The following TIAM1 variants were observed in gnomAD, a reference collection of about 807,000 sequenced individuals.
TIAM1 encodes the protein rho guanine nucleotide exchange factor TIAM1.
Under a neutral mutation model 163.5 loss-of-function variants are expected in TIAM1, and 65 were observed. That is an observed-to-expected ratio of 0.40 (90% CI 0.33 to 0.49). The LOEUF is 0.49. Among genes scored for constraint, TIAM1 ranks in the 20% least tolerant of loss-of-function variants. The pLI is 0.77. For synonymous variants in TIAM1, 833 were observed against 810.1 expected, an observed-to-expected ratio of 1.03 and a Z score of -0.48; for missense variants, 1,789 against 2,044.7, an observed-to-expected ratio of 0.87 and a Z score of 2.41.
chr21:31,412,625 T>C (rs926843545), intron 2 of TIAM1, among the ~76,000 whole-genome samples: 4 of 151,132 alleles, frequency 2.6e-5, no homozygotes, highest in Admixed American at 6.6e-5. Context: ...CTACTAAAAA[T>C]ACAAAAATTA....
Position 31,409,112 on chromosome 21 carries a change from C to CTTTTCT in TIAM1, c.-369+54870_-369+54871insAGAAAA, listed in dbSNP as rs1474875815. The stretch of plus-strand genomic sequence containing the variant: ...GCAGCAACTCAGACCTTCTCCTTTT[C>CTTTTCT]TTTTTTTTTTTTTTTTGAGACGAAG... On this transcript the variant is annotated intron_variant, in intron 2 of 28. Transcript: ENST00000286827. 3.4e-3 allele frequency among the ~76,000 whole-genome samples: 475 copies of CTTTTCT among 141,134 alleles called. 3 individuals are homozygous for CTTTTCT. The highest frequency in any genetic ancestry group is 0.012 in the African/African-American group (449 of 38,054). The allele number at this position is 141,134 out of a possible 152,430, so 92.6% of individuals were successfully genotyped here. A position where few individuals can be genotyped will look rare whatever the true frequency, so the allele number is the denominator to read the frequency against.
chr21:31,141,591 AG>A lies in TIAM1; in HGVS notation c.3476-88del. On this transcript the variant is annotated intron_variant, in intron 20 of 27. Coordinates refer to ENST00000541036, the MANE Select transcript of TIAM1 (RefSeq NM_001353694.2). This position sits in a 1 kb window ranked among gnomAD's most constrained non-coding sequence, Gnocchi z 4.7. ...TTCCCTCCCTTCCTCAGTGACTCCA[AG>A]GTGCCTTTTTGCAGGACTGAGCAGA... The A allele has an allele frequency of 6.6e-7, 1 of 1,511,370 alleles. No individual in the cohort carries two copies. Among genetic ancestry groups the A allele is most frequent in the Non-Finnish European group, 9.0e-7 (1 of 1,110,402 alleles). 93.6% of individuals were successfully genotyped at this position (1,511,370 alleles called of 1,614,324 possible).
intron 1 of TIAM1, among the ~76,000 whole-genome samples, chr21:31,489,537 A>AGGGAGGGG (rs2046394304): frequency 2.8e-5 from 1 of 35,638 alleles, no homozygotes; most frequent in Non-Finnish European, 5.4e-5. Flanking sequence ...GGAGGGAGGG[A>AGGGAGGGG]GGGAGGGAAA....
chr21:31,476,908 A>C (rs2045951379), intron 1 of TIAM1, among the ~76,000 whole-genome samples: 1 of 152,212 alleles, frequency 6.6e-6, no homozygotes. Context: ...GGGCTGGAAC[A>C]TGTTGCTAGG....
intron 9 of TIAM1, among the ~76,000 whole-genome samples, chr21:31,216,199 A>G (rs942269109): frequency 6.6e-6 from 1 of 152,064 alleles, no homozygotes; most frequent in Non-Finnish European, 1.5e-5. Flanking sequence ...CAAAAAACCA[A>G]TGAGTATCAC....
intron 2 of TIAM1, among the ~76,000 whole-genome samples, chr21:31,401,969 C>T (rs1409719949): frequency 1.3e-5 from 2 of 151,502 alleles, no homozygotes; most frequent in Non-Finnish European, 2.9e-5. Flanking sequence ...AATCCCAGCA[C>T]TTTGGGAGGC....
chr21:31,238,053 CT>C (rs1195890983), intron 6 of TIAM1, among the ~76,000 whole-genome samples: 1 of 152,216 alleles, frequency 6.6e-6, no homozygotes, highest in African/African-American at 2.4e-5. Flanking sequence ...TCCTTTTCTA[CT>C]TTTGTTGGTA....
intron 6 of TIAM1, 88 bp downstream of exon 6, chr21:31,245,400 A>C: frequency 1.1e-4 from 60 of 545,400 alleles, no homozygotes; most frequent in Non-Finnish European, 1.6e-4. Flanking sequence ...AAAAAAAAGC[A>C]GTGGAGGGAG....
intron 2 of TIAM1, among the ~76,000 whole-genome samples, chr21:31,320,134 T>C (rs963334813): frequency 6.6e-6 from 1 of 152,144 alleles, no homozygotes; most frequent in Non-Finnish European, 1.5e-5. Flanking sequence ...AAGATACATA[T>C]ATATATCATC....
chr21:31,170,436 T>C (rs1006852584), intron 15 of TIAM1, among the ~76,000 whole-genome samples: 4 of 152,116 alleles, frequency 2.6e-5, no homozygotes, highest in Non-Finnish European at 5.9e-5. Flanking sequence ...TACCAAAGAA[T>C]CTGTATGGAT....
chr21:31,228,454 C>A (rs2088192057), intron 6 of TIAM1, among the ~76,000 whole-genome samples: 1 of 151,940 alleles, frequency 6.6e-6, no homozygotes, highest in Non-Finnish European at 1.5e-5. Flanking sequence ...TGGGTACACA[C>A]TCAAGAGAAA....
At chr21:31,182,273 G>A (rs2146439682) in intron 15 of TIAM1, 148 bp downstream of exon 15, 3 of 589,486 alleles carry the variant, frequency 5.1e-6, no homozygotes, top group African/African-American at 3.8e-5. Context: ...AGGAAATGCA[G>A]GGCCAGTCAT....
At chr21:31,307,732 G>A (rs1174629406) in intron 2 of TIAM1, among the ~76,000 whole-genome samples, 3 of 152,120 alleles carry the variant, frequency 2.0e-5, no homozygotes, top group Admixed American at 6.6e-5. Flanking sequence ...AGATGCCTCT[G>A]GACAAGTGAG....
chr21:31,294,605 G>C (rs1485217303), intron 2 of TIAM1, among the ~76,000 whole-genome samples: 2 of 152,096 alleles, frequency 1.3e-5, no homozygotes, highest in Admixed American at 6.5e-5. Context: ...TAAAAATGTT[G>C]GGCTTCACAG....
At chr21:31,519,464 G>A (rs966505248) in intron 1 of TIAM1, among the ~76,000 whole-genome samples, 12 of 142,172 alleles carry the variant, frequency 8.4e-5, no homozygotes, top group East Asian at 6.2e-4. Context: ...AGCTGAGATC[G>A]CACTACTGCA....
chr21:31,334,670 C>T (rs1220190285), intron 2 of TIAM1, among the ~76,000 whole-genome samples: 1 of 152,162 alleles, frequency 6.6e-6, no homozygotes, highest in South Asian at 2.1e-4. Flanking sequence ...CTTCACAGCC[C>T]CCACATGGTT....
intron 8 of TIAM1, among the ~76,000 whole-genome samples, chr21:31,218,512 T>G (rs2087343287): frequency 6.6e-6 from 1 of 151,026 alleles, no homozygotes; most frequent in Non-Finnish European, 1.5e-5. Context: ...GAGGTTGCAG[T>G]GAGCTGAGAA....
intron 14 of TIAM1, among the ~76,000 whole-genome samples, chr21:31,183,697 T>C (rs1476322549): frequency 3.0e-5 from 4 of 131,258 alleles, no homozygotes; most frequent in East Asian, 2.1e-4. Flanking sequence ...TCTGAAATCA[T>C]TTTTTTTTTT....
At chr21:31,383,826 G>C (rs2076821244) in intron 2 of TIAM1, among the ~76,000 whole-genome samples, 1 of 152,176 alleles carries the variant, frequency 6.6e-6, no homozygotes, top group South Asian at 2.1e-4. Flanking sequence ...TTTAAGACCA[G>C]CTTCATTTGC....
Sources: gnomAD v4.1 joint callset for allele counts (sites outside exome capture counted in the v4.1 genomes callset) on GRCh38, gnomAD v4.1.1 for gene constraint, Gnocchi (gnomAD v3.1) non-coding constraint, MANE v1.5 for transcripts, NCBI Gene and HGNC (gene_info 2026-07-23, HGNC 2026-07-21) for gene names.